The following PDE6C variants were observed in gnomAD, a reference collection of about 807,000 sequenced individuals.
The protein encoded by PDE6C is phosphodiesterase 6C, also known as cone cGMP-specific 3',5'-cyclic phosphodiesterase subunit alpha'.
In PDE6C, 75 loss-of-function variants were observed where a neutral mutation model predicts 113.1. That is an observed-to-expected ratio of 0.66 (90% confidence interval 0.55 to 0.80). The LOEUF (loss-of-function observed/expected upper bound fraction) is 0.80, where lower values mean the gene tolerates loss of function less well. Among genes scored for constraint, PDE6C ranks in the 30% least tolerant of loss-of-function variants. The pLI, the probability that PDE6C is intolerant of heterozygous loss-of-function variation, is 0.00. For missense variants in PDE6C, 912 were observed against 1,038.6 expected (o/e 0.88, Z 1.67); for synonymous variants, 375 against 363.7 (o/e 1.03, Z -0.35).
intron 15 of PDE6C, among the ~76,000 whole-genome samples, chr10:93,649,349 C>T (rs937304729): frequency 3.3e-5 from 5 of 152,124 alleles, no homozygotes; most frequent in Non-Finnish European, 7.3e-5. Flanking sequence ...GCAAAAGTTA[C>T]ATAAGCCCAC....
intron 1 of PDE6C, among the ~76,000 whole-genome samples, chr10:93,618,370 C>T (rs2058430059): frequency 6.6e-6 from 1 of 152,090 alleles, no homozygotes; most frequent in Non-Finnish European, 1.5e-5. Context: ...AGCATTACCC[C>T]TATTTTCAGA....
intron 15 of PDE6C, among the ~76,000 whole-genome samples, chr10:93,649,765 C>T (rs991500985): frequency 2.6e-5 from 4 of 152,120 alleles, no homozygotes; most frequent in East Asian, 3.9e-4. Flanking sequence ...CCACCACTCC[C>T]GGTTAATTTT....
At chr10:93,617,900 TG>T (rs1289980448) in intron 1 of PDE6C, among the ~76,000 whole-genome samples, 8 of 151,978 alleles carry the variant, frequency 5.3e-5, no homozygotes, top group South Asian at 2.1e-4. Context: ...GATAACAGGG[TG>T]GAAGGGAAAC....
chr10:93,626,367 T>TC (rs760823335), intron 5 of PDE6C, among the ~76,000 whole-genome samples: 22 of 152,152 alleles, frequency 1.4e-4, no homozygotes, highest in East Asian at 7.7e-4. Flanking sequence ...TAGCCAAAGA[T>TC]CCCCCCCACC....
At chr10:93,630,008 A>C (rs183402320) in intron 8 of PDE6C, among the ~76,000 whole-genome samples, 1 of 152,244 alleles carries the variant, frequency 6.6e-6, no homozygotes. Flanking sequence ...CTCTGCATGC[A>C]TGAATGGCTG....
chr10:93,629,827 C>T (rs2058491342), intron 8 of PDE6C, among the ~76,000 whole-genome samples: 1 of 152,122 alleles, frequency 6.6e-6, no homozygotes. Flanking sequence ...TGGGGAGTGA[C>T]TGTAAATACA....
At chr10:93,614,798 C>T (rs567388877) in intron 1 of PDE6C, among the ~76,000 whole-genome samples, 1 of 152,076 alleles carries the variant, frequency 6.6e-6, no homozygotes, top group South Asian at 2.1e-4. Flanking sequence ...ATGGACGGAG[C>T]ACTTCATCTG....
intron 4 of PDE6C, 45 bp from the exon 5 acceptor site, chr10:93,625,530 C>A: frequency 2.5e-6 from 3 of 1,220,172 alleles, no homozygotes; most frequent in South Asian, 2.4e-5. Context: ...TATGGTAGGT[C>A]ATGGAACAGT....
chr10:93,636,924 T>C (rs1355344950), intron 10 of PDE6C, 71 bp from the exon 11 acceptor site: 43 of 837,134 alleles, frequency 5.1e-5, no homozygotes, highest in Non-Finnish European at 7.7e-5. Context: ...ACTAAGATTG[T>C]AATAGTAGAG....
At chr10:93,657,407 A>C (rs533861238) in intron 16 of PDE6C, among the ~76,000 whole-genome samples, 3 of 124,166 alleles carry the variant, frequency 2.4e-5, no homozygotes, top group Admixed American at 1.1e-4. Flanking sequence ...TGGTCTCTCT[A>C]TCTCCTGACC....
At chr10:93,622,165 G>A in intron 4 of PDE6C, 93 bp downstream of exon 4, 2 of 1,221,520 alleles carry the variant, frequency 1.6e-6, no homozygotes, top group Non-Finnish European at 2.4e-6. Context: ...GATACACTAT[G>A]TAAATAATTA....
intron 5 of PDE6C, among the ~76,000 whole-genome samples, chr10:93,625,989 A>G (rs1341687114): frequency 2.6e-5 from 4 of 152,168 alleles, no homozygotes; most frequent in Non-Finnish European, 5.9e-5. Context: ...TCTCTAAGGA[A>G]GGGTTGGGTT....
intron 18 of PDE6C, among the ~76,000 whole-genome samples, chr10:93,659,386 GTAAA>G: frequency 6.6e-6 from 1 of 152,192 alleles, no homozygotes; most frequent in African/African-American, 2.4e-5. Flanking sequence ...TTGAAACACT[GTAAA>G]TAATTTATAT....
intron 19 of PDE6C, among the ~76,000 whole-genome samples, 192 bp from the exon 20 acceptor site, chr10:93,662,368 C>G (rs891404860): frequency 4.1e-5 from 6 of 145,380 alleles, no homozygotes; most frequent in Admixed American, 1.5e-4. Flanking sequence ...GAGGCTGAGA[C>G]AGGAGAATCA....
intron 8 of PDE6C, among the ~76,000 whole-genome samples, chr10:93,632,188 G>A (rs189453019): frequency 6.6e-6 from 1 of 152,262 alleles, no homozygotes; most frequent in Admixed American, 6.5e-5. Context: ...AAGGATCCTT[G>A]TAATTACATT....
At position 93,634,924 on chromosome 10, in the gene PDE6C, G is replaced by C; in HGVS notation, c.1269+17G>C. On this transcript the variant is annotated intron_variant, in intron 9 of 21. Transcript: ENST00000371447. The stretch of plus-strand genomic sequence containing the variant: ...ATTACCGAGGCAAGTGCAATAATAA[G>C]ATAATGGAAGTCAATGCAATTCACA... 6.2e-7 allele frequency: 1 copy of C among 1,613,238 alleles called. No individual in the cohort carries two copies. The highest frequency in any genetic ancestry group is 8.5e-7 in the Non-Finnish European group (1 of 1,179,356).
intron 9 of PDE6C, 88 bp downstream of exon 9, chr10:93,634,995 T>A (rs2058521064): frequency 7.1e-7 from 1 of 1,398,790 alleles, no homozygotes; most frequent in African/African-American, 1.4e-5. Flanking sequence ...GAATGATATT[T>A]TGAAGGGCCA....
chr10:93,632,487 C>T (rs12217337), intron 8 of PDE6C, among the ~76,000 whole-genome samples: 4,110 of 152,198 alleles, frequency 0.027, 87 homozygotes, highest in East Asian at 0.096. Flanking sequence ...TTTCTTAAAC[C>T]TTGGGTTCCT....
At chr10:93,655,650 C>G in intron 15 of PDE6C, 110 bp from the exon 16 acceptor site, 1 of 303,218 alleles carries the variant, frequency 3.3e-6, no homozygotes, top group East Asian at 6.0e-5. Flanking sequence ...AAAAAAAAAA[C>G]AAACAAAAAA....
Sources: gnomAD v4.1 joint callset for allele counts (sites outside exome capture counted in the v4.1 genomes callset) on GRCh38, gnomAD v4.1.1 for gene constraint, MANE v1.5 for transcripts, NCBI Gene and HGNC (gene_info 2026-07-23, HGNC 2026-07-21) for gene names.